The following GINS1 variants were observed in gnomAD, a reference collection of about 807,000 sequenced individuals.
GINS1 encodes the protein GINS complex subunit 1.
Under a neutral mutation model 34.9 loss-of-function variants are expected in GINS1, and 26 were observed. That is an observed-to-expected ratio of 0.74 (90% CI 0.55 to 1.03). GINS1 has a LOEUF of 1.03. GINS1 is among the 50% of genes least tolerant of loss of function. The pLI is 0.00. For missense variants in GINS1, 235 were observed against 237.9 expected (o/e 0.99, Z 0.08); for synonymous variants, 97 against 84.4 (o/e 1.15, Z -0.82).
chr20:25,408,828 C>G, intron 1 of GINS1: 1 of 740,114 alleles, frequency 1.4e-6, no homozygotes, highest in Non-Finnish European at 1.7e-6. Context: ...CCCTGGCACT[C>G]TGGCTCCAGA....
At chr20:25,432,570 G>A (rs969642516) in intron 5 of GINS1, among the ~76,000 whole-genome samples, 1 of 151,828 alleles carries the variant, frequency 6.6e-6, no homozygotes, top group Non-Finnish European at 1.5e-5. Flanking sequence ...GAGTTCAAGC[G>A]ATTCTCCTGC....
chr20:25,419,614 C>G (rs962054741), intron 4 of GINS1: 1 of 827,014 alleles, frequency 1.2e-6, no homozygotes, highest in Non-Finnish European at 1.6e-6. Context: ...TTATGTTTCT[C>G]TAACGACAGT....
rs781279371 is a variant in GINS1, at chr20:25,441,773, C to T, written c.519C>T (p.Ser173=). 6.8e-7 allele frequency: 1 copy of T among 1,472,928 alleles called. No homozygotes were observed. The highest frequency in any genetic ancestry group is 1.2e-5 in the South Asian group (1 of 84,634). 91.2% of individuals were successfully genotyped at this position (1,472,928 alleles called of 1,614,324 possible). A position where few individuals can be genotyped will look rare whatever the true frequency, so the allele number is the denominator to read the frequency against. ...CTTCAGTCCTATTAAAAAAAAATAG[C>T]CAGGTATTTCTTATCTTCAGATTCT... ...DGTSVLLKKN[S]QHFLPRWKCE... is the part of the protein sequence containing the mutation. The change falls in exon 6 of 7, where the codon AGC becomes AGT. Residue 173 remains serine (S), a synonymous_variant. Coordinates refer to ENST00000262460, the MANE Select transcript of GINS1 (RefSeq NM_021067.5).
chr20:25,409,031 G>A (rs2090266378), intron 1 of GINS1: 5 of 985,162 alleles, frequency 5.1e-6, no homozygotes, highest in Non-Finnish European at 4.8e-6. Flanking sequence ...GGTGATATAT[G>A]AGCCTTTCCA....
intron 2 of GINS1, among the ~76,000 whole-genome samples, chr20:25,414,189 C>CAAAAAAAAAA (rs58400500): frequency 1.5e-5 from 1 of 67,664 alleles, no homozygotes; most frequent in Admixed American, 2.0e-4. Context: ...ACTCTGTCTC[C>CAAAAAAAAAA]AAAAAAAAAA....
chr20:25,442,119 C>A (rs1399127144), intron 6 of GINS1, among the ~76,000 whole-genome samples: 1 of 152,098 alleles, frequency 6.6e-6, no homozygotes, highest in African/African-American at 2.4e-5. Context: ...ATAATTTATT[C>A]TAAAAGTTCC....
rs2090269159 is a variant in GINS1 at position 25,409,421 on chromosome 20, G to C, written c.75+1526G>C. Among the ~76,000 whole-genome samples, 3 of 152,318 alleles carry C rather than the reference G, an allele frequency of 2.0e-5. No homozygotes were observed. In the South Asian group the frequency reaches 6.2e-4, roughly 32 times the overall value. On this transcript the variant is annotated intron_variant, in intron 1 of 6. Coordinates refer to ENST00000262460, the MANE Select transcript of GINS1 (RefSeq NM_021067.5). ...CACTGAGATCAGTGTTTGGGTTTTAGAGACATGAAGCAAACATGACTTGTA... is the reference window on the plus strand; with the variant it reads ...CACTGAGATCAGTGTTTGGGTTTTACAGACATGAAGCAAACATGACTTGTA...
intron 1 of GINS1, among the ~76,000 whole-genome samples, chr20:25,412,197 C>T (rs1414730084): frequency 6.6e-6 from 1 of 152,116 alleles, no homozygotes; most frequent in African/African-American, 2.4e-5. Flanking sequence ...CTCCTATGGC[C>T]GGTTTTTGCA....
chr20:25,427,410 C>G (rs1259674109), intron 5 of GINS1, among the ~76,000 whole-genome samples: 5 of 152,144 alleles, frequency 3.3e-5, no homozygotes, highest in Admixed American at 3.3e-4. Context: ...TTTGGCCAGG[C>G]TGGTCTTGAA....
intron 2 of GINS1, among the ~76,000 whole-genome samples, chr20:25,415,685 C>CAAAAA (rs370801254): frequency 4.1e-5 from 2 of 49,162 alleles, no homozygotes; most frequent in Admixed American, 2.2e-4. Context: ...AACTCCATCT[C>CAAAAA]AAAAAAAAAA....
chr20:25,425,376 C>G (rs1379389167), intron 5 of GINS1, 49 bp downstream of exon 5: 1 of 788,008 alleles, frequency 1.3e-6, no homozygotes. Context: ...GTAAATTGTG[C>G]TACCTTTTAA....
chr20:25,446,240 G>A lies in GINS1; in HGVS notation c.*249G>A, dbSNP rs1369770529. 1.5e-5 allele frequency: 5 copies of A among 334,568 alleles called. No homozygotes were observed. The highest frequency in any genetic ancestry group is 2.7e-5 in the Non-Finnish European group (5 of 184,842). The allele number at this position is 334,568 out of a possible 1,614,324, so 20.7% of individuals were successfully genotyped here. On this transcript the variant is annotated 3_prime_UTR_variant, in exon 7 of 7. Coordinates refer to ENST00000262460, the MANE Select transcript of GINS1 (RefSeq NM_021067.5). ...TTTGTAGAGACTGTCTCACTATGTT[G>A]CCCAAGCTGGTCTCAAACTCCTGGC... is the stretch of plus-strand genomic sequence containing the variant.
At chr20:25,444,745 C>T (rs773446399) in intron 6 of GINS1, among the ~76,000 whole-genome samples, 1 of 152,218 alleles carries the variant, frequency 6.6e-6, no homozygotes, top group African/African-American at 2.4e-5. Flanking sequence ...TTTCCACCTG[C>T]CCCTGGTTCC....
intron 4 of GINS1, chr20:25,419,662 A>AT: frequency 4.3e-6 from 3 of 691,764 alleles, no homozygotes; most frequent in Non-Finnish European, 4.1e-6. Context: ...TTTTAGATTA[A>AT]TTTTTTTGTG....
Position 25,428,842 on chromosome 20 carries a change from C to T in GINS1, c.447+3515C>T, listed in dbSNP as rs118029295. Among the ~76,000 whole-genome samples the T allele has an allele frequency of 4.7e-4, 72 of 151,900 alleles. No homozygotes were observed. In the East Asian group the frequency reaches 0.011, roughly 24 times the overall value. ...CTATTCCATTGTTCTGTACATCTGTCGTAAAAAAAGTTTTTTTAATATATA... is the reference window on the plus strand; with the variant it reads ...CTATTCCATTGTTCTGTACATCTGTTGTAAAAAAAGTTTTTTTAATATATA... On this transcript the variant is annotated intron_variant, in intron 5 of 6. Coordinates refer to ENST00000262460, the MANE Select transcript of GINS1 (RefSeq NM_021067.5).
At chr20:25,411,808 T>G (rs914655845) in intron 1 of GINS1, among the ~76,000 whole-genome samples, 1 of 152,022 alleles carries the variant, frequency 6.6e-6, no homozygotes, top group Non-Finnish European at 1.5e-5. Flanking sequence ...CTGGACGTGA[T>G]GGGCACCTGT....
rs566002211 is a variant in GINS1 at position 25,447,733 on chromosome 20, C to T, written c.*1742C>T. ...AAGCAATACACTTGCCTCGTCCTCC[C>T]CATGTGCTGGGATTACAGGCGTGAG... On this transcript the variant is annotated 3_prime_UTR_variant, in exon 7 of 7. Transcript: ENST00000262460. 5.9e-5 allele frequency: 9 copies of T among 152,394 alleles called. No homozygotes were observed. Among genetic ancestry groups the T allele is most frequent in the Admixed American group, 4.6e-4 (7 of 15,304 alleles). 9.4% of individuals were successfully genotyped at this position (152,394 alleles called of 1,614,324 possible).
intron 4 of GINS1, among the ~76,000 whole-genome samples, chr20:25,422,463 C>A (rs757836879): frequency 6.6e-6 from 1 of 151,088 alleles, no homozygotes; most frequent in Non-Finnish European, 1.5e-5. Context: ...TGGTGGCATG[C>A]GCCTGTGGTC....
At chr20:25,440,399 C>T (rs1409644744) in intron 5 of GINS1, among the ~76,000 whole-genome samples, 1 of 152,104 alleles carries the variant, frequency 6.6e-6, no homozygotes, top group Non-Finnish European at 1.5e-5. Flanking sequence ...TCAGAATAAC[C>T]CACAAATGGG....
Sources: gnomAD v4.1 joint callset for allele counts (sites outside exome capture counted in the v4.1 genomes callset) on GRCh38, gnomAD v4.1.1 for gene constraint, MANE v1.5 for transcripts, NCBI Gene and HGNC (gene_info 2026-07-23, HGNC 2026-07-21) for gene names.